IMMP2L: variants seen among roughly 807,000 people sequenced by gnomAD.
The protein encoded by IMMP2L is inner mitochondrial membrane peptidase subunit 2, also known as mitochondrial inner membrane protease subunit 2.
A neutral mutation model predicts 19.3 loss-of-function variants in IMMP2L; 18 were observed. The ratio of observed to expected loss-of-function variants is 0.93; its 90% CI spans 0.64 to 1.38. The LOEUF (loss-of-function observed/expected upper bound fraction) is 1.38. Among genes scored for constraint, IMMP2L ranks in the 40% most tolerant of loss-of-function variants. The probability of loss-of-function intolerance (pLI) is 0.00; values close to 1 mark genes in which losing one functional copy is unlikely to be tolerated. For synonymous variants in IMMP2L, 76 were observed against 73.0 expected (o/e 1.04, Z -0.21); for missense variants, 233 against 218.2 (o/e 1.07, Z -0.43).
intron 3 of IMMP2L, among the ~76,000 whole-genome samples, chr7:111,324,364 T>C (rs1825083102): frequency 6.6e-6 from 1 of 151,826 alleles, no homozygotes; most frequent in Non-Finnish European, 1.5e-5. Flanking sequence ...GAAACATAGG[T>C]AAAATAAAAT....
intron 5 of IMMP2L, among the ~76,000 whole-genome samples, chr7:110,736,365 C>T (rs757706103): frequency 1.3e-5 from 2 of 152,098 alleles, no homozygotes; most frequent in South Asian, 2.1e-4. Flanking sequence ...CTGGGGATGC[C>T]GAAAAGAACT....
At chr7:111,023,700 T>C (rs756946316) in intron 3 of IMMP2L, among the ~76,000 whole-genome samples, 8 of 152,002 alleles carry the variant, frequency 5.3e-5, no homozygotes, top group Non-Finnish European at 5.9e-5. Context: ...AGAGCAAAAC[T>C]CCATCTTAAA....
chr7:110,700,544 C>G (rs7787856), intron 5 of IMMP2L, among the ~76,000 whole-genome samples: 74,458 of 151,972 alleles, frequency 0.49, 19,147 homozygotes, highest in East Asian at 0.7. Flanking sequence ...ATAGCCAGGT[C>G]TCCTGGTCAA....
intron 3 of IMMP2L, among the ~76,000 whole-genome samples, chr7:111,202,957 T>C (rs1254367295): frequency 6.6e-6 from 1 of 152,118 alleles, no homozygotes; most frequent in Non-Finnish European, 1.5e-5. Context: ...TGAGTATTGA[T>C]CTCTTGCCCT....
chr7:110,928,390 C>T (rs1362577297), intron 4 of IMMP2L, among the ~76,000 whole-genome samples: 1 of 146,706 alleles, frequency 6.8e-6, no homozygotes, highest in Non-Finnish European at 1.5e-5. Context: ...CACACACACA[C>T]ACACACACAC....
intron 3 of IMMP2L, among the ~76,000 whole-genome samples, chr7:111,316,985 G>C (rs1197945935): frequency 6.6e-6 from 1 of 151,484 alleles, no homozygotes; most frequent in Admixed American, 6.6e-5. Context: ...AAGTAGCTGG[G>C]ATTACAGGCA....
At chr7:111,251,327 T>C (rs959851775) in intron 3 of IMMP2L, among the ~76,000 whole-genome samples, 11 of 152,050 alleles carry the variant, frequency 7.2e-5, no homozygotes, top group Non-Finnish European at 4.4e-5. Context: ...TTGTGAAAAA[T>C]AGTGTGGCAA....
intron 5 of IMMP2L, among the ~76,000 whole-genome samples, chr7:110,766,412 G>T (rs773517148): frequency 6.6e-6 from 1 of 151,808 alleles, no homozygotes; most frequent in African/African-American, 2.4e-5. Flanking sequence ...CCCACATGGC[G>T]AAGTCCCGTC....
chr7:111,546,353 T>C (rs1337109086), intron 1 of IMMP2L, among the ~76,000 whole-genome samples: 5 of 152,116 alleles, frequency 3.3e-5, no homozygotes, highest in African/African-American at 9.6e-5. Context: ...CAAAATTTGT[T>C]TCTTTGCCAA....
rs371728147 is a variant in IMMP2L at position 111,048,405 on chromosome 7, C to T, written c.240-84840G>A. On this transcript the variant is annotated intron_variant, in intron 3 of 5. Coordinates refer to ENST00000405709, the MANE Select transcript of IMMP2L (RefSeq NM_032549.4). ...AGTGAGCATCTGGGCCTGCTTGGCT[C>T]GGTTACAATCCTTCTGGAACTGATT... 4.6e-5 allele frequency among the ~76,000 whole-genome samples: 7 copies of T among 152,194 alleles called. No individual in the cohort carries two copies. The East Asian group carries it at 5.8e-4, about 13-fold the overall frequency.
intron 5 of IMMP2L, among the ~76,000 whole-genome samples, chr7:110,699,858 T>C (rs1462973046): frequency 6.6e-6 from 1 of 152,068 alleles, no homozygotes; most frequent in Non-Finnish European, 1.5e-5. Flanking sequence ...TGTGAGGGCC[T>C]TGAAGAAGAA....
intron 5 of IMMP2L, among the ~76,000 whole-genome samples, chr7:110,690,849 T>C (rs1160835004): frequency 6.6e-6 from 1 of 152,106 alleles, no homozygotes; most frequent in Non-Finnish European, 1.5e-5. Context: ...ATACATTTCA[T>C]GCTCATGGAT....
chr7:111,406,118 T>C (rs1833882601), intron 3 of IMMP2L, among the ~76,000 whole-genome samples: 1 of 152,146 alleles, frequency 6.6e-6, no homozygotes, highest in South Asian at 2.1e-4. Context: ...CTTATAGGCA[T>C]ACAAATTTAA....
Position 110,662,738 on chromosome 7 carries a change from T to G in IMMP2L, c.*864A>C, listed in dbSNP as rs549746633. 1.3e-5 allele frequency among the ~76,000 whole-genome samples: 2 copies of G among 152,202 alleles called. No individual in the cohort carries two copies. The highest frequency in any genetic ancestry group is 1.3e-4 in the Admixed American group (2 of 15,282). On this transcript the variant is annotated 3_prime_UTR_variant, in exon 6 of 6. Coordinates refer to ENST00000405709, the MANE Select transcript of IMMP2L (RefSeq NM_032549.4). ...ATTGGTGATTTCAGTATTACAGACGTGAATACTGAGAAATAATTAGGGGAA... is the reference window on the plus strand; with the variant it reads ...ATTGGTGATTTCAGTATTACAGACGGGAATACTGAGAAATAATTAGGGGAA...
chr7:110,903,391 C>T (rs538593420), intron 4 of IMMP2L, among the ~76,000 whole-genome samples: 12 of 152,142 alleles, frequency 7.9e-5, no homozygotes, highest in Non-Finnish European at 1.8e-4. Context: ...AACTTTATGC[C>T]TGCAGATTAG....
At chr7:111,370,791 T>C (rs1404686975) in intron 3 of IMMP2L, among the ~76,000 whole-genome samples, 1 of 151,950 alleles carries the variant, frequency 6.6e-6, no homozygotes, top group Non-Finnish European at 1.5e-5. Context: ...TATTCCATAG[T>C]TTCTTAAGAA....
At chr7:111,284,353 T>A (rs1410389746) in intron 3 of IMMP2L, among the ~76,000 whole-genome samples, 2 of 152,160 alleles carry the variant, frequency 1.3e-5, no homozygotes, top group African/African-American at 4.8e-5. Flanking sequence ...AGCCTTAACA[T>A]CCTCTTCTCC....
intron 5 of IMMP2L, among the ~76,000 whole-genome samples, chr7:110,824,522 C>T (rs74789023): frequency 0.089 from 13,537 of 152,134 alleles, 915 homozygotes; most frequent in African/African-American, 0.19. Context: ...CACACCACCA[C>T]GCCTGGCTTA....
rs539446325 is a variant in IMMP2L at position 111,010,971 on chromosome 7, G to C, written c.240-47406C>G. On this transcript the variant is annotated intron_variant, in intron 3 of 5. Coordinates refer to ENST00000405709, the MANE Select transcript of IMMP2L (RefSeq NM_032549.4). ...AAAAAAGGTCAAGATACAGACCCAG[G>C]TGTTGAAAGTGTCCCCAGCATGCGA... Among the ~76,000 whole-genome samples, 7 of 151,982 alleles carry C rather than the reference G, an allele frequency of 4.6e-5. No individual in the cohort carries two copies. The East Asian group carries it at 1.2e-3, about 25-fold the overall frequency.
Sources: allele counts gnomAD v4.1 joint callset (sites outside exome capture counted in the v4.1 genomes callset), GRCh38; gene constraint gnomAD v4.1.1; transcripts MANE v1.5; gene names NCBI Gene and HGNC (gene_info 2026-07-23, HGNC 2026-07-21).